SPATA24: variants seen among roughly 807,000 people sequenced by gnomAD.
The protein encoded by SPATA24 is spermatogenesis-associated protein 24.
SPATA24 carries 21 observed loss-of-function variants against 28.9 expected under a neutral mutation model. The ratio of observed to expected loss-of-function variants is 0.73; its 90% CI spans 0.52 to 1.05. The LOEUF (loss-of-function observed/expected upper bound fraction) is 1.05. SPATA24 is among the 50% of genes least tolerant of loss of function. The probability of loss-of-function intolerance (pLI) is 0.00; values close to 1 mark genes in which losing one functional copy is unlikely to be tolerated. For synonymous variants in SPATA24, 76 were observed against 89.9 expected (o/e 0.85, Z 0.88); for missense variants, 215 against 242.9 (o/e 0.88, Z 0.76).
Position 139,401,786 on chromosome 5 carries a change from GCTGGACTC to G in SPATA24, c.346_353del (p.Glu116GlnfsTer11). 1 of 1,551,704 alleles carries G rather than the reference GCTGGACTC, an allele frequency of 6.4e-7. No individual in the cohort carries two copies. Among genetic ancestry groups the G allele is most frequent in the Non-Finnish European group, 8.7e-7 (1 of 1,146,996 alleles). On this transcript the variant is annotated frameshift_variant, in exon 4 of 6. Transcript: ENST00000450845. LOFTEE classifies it high-confidence loss of function. Reference sequence around the variant, plus strand: ...ACTTGGTGATGAGCTGGTCCTTCTTGCTGGACTCCTGAAGGACTTTGCTCTTGACACTG... The same window carrying G: ...ACTTGGTGATGAGCTGGTCCTTCTTGCTGAAGGACTTTGCTCTTGACACTG...
downstream of SPATA24, chr5:139,396,656 C>G (rs1758713825): frequency 6.6e-7 from 1 of 1,520,190 alleles, no homozygotes; most frequent in African/African-American, 1.4e-5. Context: ...CAGCTCCTCC[C>G]CTAGGCTACA....
At chr5:139,403,838 G>C (rs1439987011) in intron 1 of SPATA24, 106 bp downstream of exon 1, 3 of 954,284 alleles carry the variant, frequency 3.1e-6, no homozygotes, top group South Asian at 1.5e-5. Context: ...TGACGCCATG[G>C]GCCATGCGTT....
At chr5:139,394,000 T>C, downstream of SPATA24, 6 of 1,550,600 alleles carry the variant, frequency 3.9e-6, no homozygotes, top group Non-Finnish European at 5.2e-6. Context: ...ATCCGGCGCC[T>C]CTCGCGGGAA....
chr5:139,393,570 C>T (rs1445588836), downstream of SPATA24: 12 of 1,551,034 alleles, frequency 7.7e-6, no homozygotes. Context: ...CTGGAGCCTC[C>T]CACGGGAAGA....
chr5:139,399,836 C>T (rs1302993525), intron 4 of SPATA24, among the ~76,000 whole-genome samples: 2 of 152,186 alleles, frequency 1.3e-5, no homozygotes, highest in Non-Finnish European at 2.9e-5. Context: ...ATGACACACA[C>T]ACCTTCCAAC....
chr5:139,393,994 G>A (rs1449011900), downstream of SPATA24: 3 of 1,550,556 alleles, frequency 1.9e-6, no homozygotes, highest in Admixed American at 2.0e-5. Context: ...AGTTCGATCC[G>A]GCGCCTCTCG....
chr5:139,401,487 A>C, intron 4 of SPATA24: 1 of 623,782 alleles, frequency 1.6e-6, no homozygotes, highest in East Asian at 2.7e-5. Context: ...CAAAAGGTGG[A>C]CTAAGAAGGT....
chr5:139,394,536 G>T, downstream of SPATA24: 1 of 1,485,294 alleles, frequency 6.7e-7, no homozygotes, highest in Non-Finnish European at 8.9e-7. Flanking sequence ...ACTGCGCTGG[G>T]GCGGCAGGAC....
chr5:139,392,514 C>T (rs913507722), downstream of SPATA24: 4 of 1,343,196 alleles, frequency 3.0e-6, no homozygotes, highest in South Asian at 5.6e-5. This position sits in a 1 kb window ranked among gnomAD's most constrained non-coding sequence, Gnocchi z 5.8. Context: ...CCGTGGGAGG[C>T]GCCGAGGCAG....
At chr5:139,397,192 C>T (rs2152077959) in intron 4 of SPATA24, 49 bp from the exon 5 acceptor site, 1 of 1,433,738 alleles carries the variant, frequency 7.0e-7, no homozygotes, top group Non-Finnish European at 9.6e-7. Flanking sequence ...TCCCAGGGCT[C>T]CTTCCTGAGA....
chr5:139,397,727 G>GT (rs563022282), intron 4 of SPATA24, among the ~76,000 whole-genome samples: 2 of 151,996 alleles, frequency 1.3e-5, no homozygotes, highest in Non-Finnish European at 2.9e-5. Flanking sequence ...GCTAATTTTT[G>GT]TATTTTTAGT....
At chr5:139,396,543 C>T (rs981768090), downstream of SPATA24, 3 of 1,300,884 alleles carry the variant, frequency 2.3e-6, no homozygotes, top group Non-Finnish European at 3.0e-6. Context: ...TTTACCAGGA[C>T]ACTGGGAGTG....
At chr5:139,392,625 C>T (rs1758617719), downstream of SPATA24, 1 of 1,381,316 alleles carries the variant, frequency 7.2e-7, no homozygotes, top group Admixed American at 3.8e-5. This position sits in a 1 kb window ranked among gnomAD's most constrained non-coding sequence, Gnocchi z 5.8. Flanking sequence ...TAGGTGGTGT[C>T]TTCGGTTTGG....
chr5:139,397,065 A>T lies in SPATA24; in HGVS notation c.464T>A (p.Ile155Asn), dbSNP rs1323931413. The change falls in exon 5 of 6, where the codon ATC becomes AAC. Residue 155 changes from isoleucine (I) to asparagine (N), a missense_variant. Coordinates refer to ENST00000450845, the MANE Select transcript of SPATA24 (RefSeq NM_194296.2). ...CCTGAAGATCTGTTTCTGCTGGCTG[A>T]TAACTTGCTGCAACTCTTTAATCTC... is the stretch of plus-strand genomic sequence containing the variant. ...ENEIKELQQVISQQKQIFRNH... is the reference protein window; with the variant it reads ...ENEIKELQQVNSQQKQIFRNH... 6.4e-7 allele frequency: 1 copy of T among 1,551,684 alleles called. No homozygotes were observed. The highest frequency in any genetic ancestry group is 8.7e-7 in the Non-Finnish European group (1 of 1,147,022).
downstream of SPATA24, chr5:139,395,577 C>G (rs1383488985): frequency 6.4e-6 from 1 of 155,770 alleles, no homozygotes; most frequent in Non-Finnish European, 1.4e-5. Flanking sequence ...CTGCAGGGGA[C>G]CCCCATTGCC....
chr5:139,402,832 A>G (rs1581405122), intron 1 of SPATA24, 139 bp from the exon 2 acceptor site: 2 of 670,886 alleles, frequency 3.0e-6, no homozygotes, highest in Middle Eastern at 4.0e-4. Context: ...GGGAGAATTC[A>G]GTTCCACAGA....
chr5:139,401,006 A>G (rs1758810303), intron 4 of SPATA24, among the ~76,000 whole-genome samples: 1 of 151,988 alleles, frequency 6.6e-6, no homozygotes. Flanking sequence ...AAAATACAAA[A>G]ATTAGCCGGG....
intron 5 of SPATA24, 42 bp from the exon 6 acceptor site, chr5:139,396,971 G>A: frequency 6.4e-7 from 1 of 1,551,554 alleles, no homozygotes; most frequent in Non-Finnish European, 8.7e-7. Context: ...GACAGCCAAG[G>A]GTAGGTAGGG....
intron 4 of SPATA24, among the ~76,000 whole-genome samples, chr5:139,397,895 T>C (rs1350751199): frequency 6.6e-6 from 1 of 152,226 alleles, no homozygotes; most frequent in African/African-American, 2.4e-5. Context: ...TAACATACCA[T>C]ATACTTTACT....
Sources: gnomAD v4.1 joint callset for allele counts (sites outside exome capture counted in the v4.1 genomes callset) on GRCh38, gnomAD v4.1.1 for gene constraint, Gnocchi (gnomAD v3.1) non-coding constraint, MANE v1.5 for transcripts, NCBI Gene and HGNC (gene_info 2026-07-23, HGNC 2026-07-21) for gene names.